Variants in GPHN observed in about 807,000 individuals in gnomAD.
GPHN encodes the protein gephyrin.
GPHN carries 17 observed loss-of-function variants against 95.5 expected under a neutral mutation model. The ratio of observed to expected loss-of-function variants is 0.18; its 90% confidence interval spans 0.12 to 0.27. The LOEUF (loss-of-function observed/expected upper bound fraction) is 0.27. GPHN is among the 10% of genes least tolerant of loss of function. The pLI, the probability that GPHN is intolerant of heterozygous loss-of-function variation, is 1.00. For synonymous variants in GPHN, 320 were observed against 322.5 expected (o/e 0.99, Z 0.08); for missense variants, 660 against 978.1 (o/e 0.67, Z 4.34).
chr14:67,688,828 TC>T, the GPHN span, among the ~76,000 whole-genome samples: 1 of 152,138 alleles, frequency 6.6e-6, no homozygotes, highest in Non-Finnish European at 1.5e-5. Context: ...ATTGTCTTTC[TC>T]CCCCGTTAGA....
intron 1 of GPHN, among the ~76,000 whole-genome samples, chr14:66,676,344 A>T (rs528474061): frequency 6.6e-6 from 1 of 152,202 alleles, no homozygotes; most frequent in African/African-American, 2.4e-5. Context: ...TTCCAGTTCT[A>T]TCTTAAATAC....
At chr14:67,042,203 C>A (rs538481324) in intron 10 of GPHN, among the ~76,000 whole-genome samples, 1 of 151,820 alleles carries the variant, frequency 6.6e-6, no homozygotes. Context: ...TTTTTAGTTT[C>A]TTTTGCTGTG....
intron 3 of GPHN, among the ~76,000 whole-genome samples, chr14:66,820,239 G>A (rs951803806): frequency 3.9e-5 from 6 of 151,960 alleles, no homozygotes; most frequent in Admixed American, 1.3e-4. Context: ...ACAATATCCA[G>A]TCCTCAAACT....
chr14:67,297,677 A>C, the GPHN span, among the ~76,000 whole-genome samples: 1 of 150,926 alleles, frequency 6.6e-6, no homozygotes, highest in Non-Finnish European at 1.5e-5. Flanking sequence ...TGGATTATAG[A>C]AATATTTAAG....
At chr14:67,361,917 T>G in the GPHN span, among the ~76,000 whole-genome samples, 5 of 152,232 alleles carry the variant, frequency 3.3e-5, no homozygotes, top group Admixed American at 3.3e-4. Flanking sequence ...GTTCATTGCT[T>G]CACTGTGCCC....
intron 5 of GPHN, among the ~76,000 whole-genome samples, chr14:66,888,513 G>T (rs2064314584): frequency 6.6e-6 from 1 of 152,008 alleles, no homozygotes; most frequent in Admixed American, 6.6e-5. Context: ...AGATAAGCTG[G>T]TATAAATTCA....
rs2064507996 is a variant in GPHN at position 66,642,912 on chromosome 14, C to T, written c.65-38195C>T. Among the ~76,000 whole-genome samples, 2 of 149,510 alleles carry T rather than the reference C, an allele frequency of 1.3e-5. 1 individual carries two copies. Among genetic ancestry groups the T allele is most frequent in the South Asian group, 4.3e-4 (2 of 4,704 alleles). On this transcript the variant is annotated intron_variant, in intron 1 of 22. Transcript: ENST00000478722. Reference sequence around the variant, plus strand: ...TTTAGATGGAAACATGGCAGAATATCTTCGTGATCTTGGGTTAGGGAAAGA... The same window carrying T: ...TTTAGATGGAAACATGGCAGAATATTTTCGTGATCTTGGGTTAGGGAAAGA...
intron 1 of GPHN, among the ~76,000 whole-genome samples, chr14:66,647,658 T>C (rs1402368821): frequency 6.6e-6 from 1 of 151,930 alleles, no homozygotes; most frequent in Non-Finnish European, 1.5e-5. Flanking sequence ...AGAATAATTA[T>C]AATAATATAA....
chr14:67,453,600 A>G, the GPHN span, among the ~76,000 whole-genome samples: 1 of 152,194 alleles, frequency 6.6e-6, no homozygotes, highest in African/African-American at 2.4e-5. Flanking sequence ...GCTGTTCCTA[A>G]TCTCATGCCA....
chr14:67,091,065 GA>G (rs887486153), intron 12 of GPHN, among the ~76,000 whole-genome samples: 1 of 151,284 alleles, frequency 6.6e-6, no homozygotes, highest in African/African-American at 2.4e-5. Flanking sequence ...AACTATCTCT[GA>G]AAAATGGCTA....
At chr14:67,667,613 A>C in the GPHN span, among the ~76,000 whole-genome samples, 1 of 152,356 alleles carries the variant, frequency 6.6e-6, no homozygotes, top group East Asian at 1.9e-4. Context: ...AATACTTAGG[A>C]AGAACCTAAG....
At chr14:67,099,620 C>G (rs976602121) in intron 12 of GPHN, among the ~76,000 whole-genome samples, 11 of 151,820 alleles carry the variant, frequency 7.2e-5, no homozygotes, top group African/African-American at 2.2e-4. Context: ...ATACAACATC[C>G]TGTGACAGAA....
chr14:67,113,056 T>C lies in GPHN; in HGVS notation c.1511T>C (p.Leu504Ser). The C allele has an allele frequency of 6.2e-7, 1 of 1,613,974 alleles. No homozygotes were observed. Among genetic ancestry groups the C allele is most frequent in the Non-Finnish European group, 8.5e-7 (1 of 1,179,844 alleles). The change falls in exon 16 of 23, where the codon TTG (leucine) becomes TCG (serine). Residue 504 changes from leucine to serine, a missense_variant. Physicochemically the swap from Leu to Ser is moderately radical, Grantham distance 145. This residue lies in a region of GPHN where 257 missense variants were observed against 376.2 expected (regional missense o/e 0.68). Transcript: ENST00000478722. ...GACATTAAAAGAGGGGAATGTGTTT[T>C]GGCCAAAGGAACCCACATGGGCCCC... is the stretch of plus-strand genomic sequence containing the variant. The part of the protein sequence containing the change: ...GHDIKRGECV[L>S]AKGTHMGPSE...
At chr14:67,703,193 A>G in the GPHN span, among the ~76,000 whole-genome samples, 1 of 152,176 alleles carries the variant, frequency 6.6e-6, no homozygotes, top group East Asian at 1.9e-4. Context: ...AGATAGTTGG[A>G]TCTAAATTAT....
chr14:67,690,153 G>A, the GPHN span: 2 of 1,485,092 alleles, frequency 1.3e-6, no homozygotes, highest in Non-Finnish European at 1.9e-6. Context: ...TTCCATTCCT[G>A]TGGCTTTTAC....
At chr14:67,503,681 A>C in the GPHN span, 5 of 65,062 alleles carry the variant, frequency 7.7e-5, no homozygotes, top group African/African-American at 1.7e-4. Context: ...GCCTCAGCTT[A>C]CTTTTTTTAA....
the GPHN span, chr14:67,674,400 C>T: frequency 6.2e-7 from 1 of 1,604,294 alleles, no homozygotes; most frequent in South Asian, 1.1e-5. Context: ...CCAGCAGCCG[C>T]TCGGGCACCC....
In GPHN at chr14:67,006,006, G is replaced by A. The variant is rs2072580627; in HGVS notation, c.964-17627G>A. Among the ~76,000 whole-genome samples, 2 of 151,520 alleles carry A rather than the reference G, an allele frequency of 1.3e-5. 1 individual carries two copies. The highest frequency in any genetic ancestry group is 4.2e-4 in the South Asian group (2 of 4,816). On this transcript the variant is annotated intron_variant, in intron 9 of 22. Coordinates refer to ENST00000478722, the MANE Select transcript of GPHN (RefSeq NM_020806.5). ...AAAAAAAGAATAAAAAAGGGGCAAT[G>A]GAAAAAAGAGAAGAGAAGGAAGGAG...
the GPHN span, among the ~76,000 whole-genome samples, chr14:67,217,610 G>C: frequency 1.3e-5 from 2 of 152,068 alleles, no homozygotes; most frequent in African/African-American, 4.8e-5. Context: ...TTGCATGTTT[G>C]CATGATGGTG....
Sources: gnomAD v4.1 joint callset for allele counts (sites outside exome capture counted in the v4.1 genomes callset) on GRCh38, gnomAD v4.1.1 for gene constraint, gnomAD v4.1.1 regional missense constraint, MANE v1.5 for transcripts, NCBI Gene and HGNC (gene_info 2026-07-23, HGNC 2026-07-21) for gene names.